The following MIS18A variants were observed in gnomAD, a reference collection of about 807,000 sequenced individuals.
MIS18A encodes MIS18 kinetochore protein A.
MIS18A carries 14 observed loss-of-function variants against 25.0 expected under a neutral mutation model. That is an observed-to-expected ratio of 0.56 (90% confidence interval 0.37 to 0.88). The LOEUF is 0.88. Among genes scored for constraint, MIS18A ranks in the 40% least tolerant of loss-of-function variants. The pLI is 0.00. For synonymous variants in MIS18A, 134 were observed against 118.6 expected (o/e 1.13, Z -0.84); for missense variants, 292 against 290.8 (o/e 1.00, Z -0.03).
the MIS18A span, among the ~76,000 whole-genome samples, chr21:32,244,571 T>C: frequency 2.0e-5 from 3 of 151,988 alleles, no homozygotes; most frequent in African/African-American, 7.2e-5. Flanking sequence ...ACCTCATCTT[T>C]ACAAAAAATC....
At chr21:32,162,510 C>T in the MIS18A span, among the ~76,000 whole-genome samples, 330 of 152,278 alleles carry the variant, frequency 2.2e-3, 1 homozygote, top group African/African-American at 7.3e-3. Context: ...CTGATCCATC[C>T]AAGTGGACTT....
chr21:32,224,037 T>C, the MIS18A span, among the ~76,000 whole-genome samples: 1 of 152,364 alleles, frequency 6.6e-6, no homozygotes, highest in Non-Finnish European at 1.5e-5. Flanking sequence ...CAGATGATTA[T>C]CTCAATAGAT....
At chr21:32,275,450 A>T (rs2031792086) in intron 1 of MIS18A, among the ~76,000 whole-genome samples, 1 of 152,152 alleles carries the variant, frequency 6.6e-6, no homozygotes, top group Non-Finnish European at 1.5e-5. Context: ...CAGATTTCAA[A>T]CACAGGGCCC....
the MIS18A span, among the ~76,000 whole-genome samples, chr21:32,249,821 G>A: frequency 2.6e-5 from 4 of 152,012 alleles, no homozygotes; most frequent in Non-Finnish European, 4.4e-5. Context: ...TGAGGGATCC[G>A]CCCCCATGGC....
At chr21:32,266,317 A>G (rs576178834), downstream of MIS18A, among the ~76,000 whole-genome samples, 1 of 152,280 alleles carries the variant, frequency 6.6e-6, no homozygotes, top group Admixed American at 6.5e-5. Context: ...CCCTGACAAA[A>G]CAGGCCACTC....
the MIS18A span, among the ~76,000 whole-genome samples, chr21:32,175,915 T>A: frequency 3.9e-5 from 6 of 152,202 alleles, no homozygotes; most frequent in African/African-American, 1.4e-4. Context: ...TTTTTTTATT[T>A]TTAAACTTTT....
chr21:32,166,024 A>G, the MIS18A span, among the ~76,000 whole-genome samples: 1 of 152,190 alleles, frequency 6.6e-6, no homozygotes, highest in Admixed American at 6.5e-5. Flanking sequence ...TCCAAGGTCT[A>G]CAAACCAGGT....
chr21:32,246,031 AGAGCAG>A, the MIS18A span, among the ~76,000 whole-genome samples: 1 of 152,180 alleles, frequency 6.6e-6, no homozygotes, highest in African/African-American at 2.4e-5. Flanking sequence ...GCACAGGCCC[AGAGCAG>A]GAGCAAGAGA....
At chr21:32,155,119 A>G in the MIS18A span, among the ~76,000 whole-genome samples, 1 of 152,180 alleles carries the variant, frequency 6.6e-6, no homozygotes, top group African/African-American at 2.4e-5. Flanking sequence ...GTGGTAAGGT[A>G]TTTTATCCTG....
At chr21:32,192,434 C>T in the MIS18A span, among the ~76,000 whole-genome samples, 1 of 152,124 alleles carries the variant, frequency 6.6e-6, no homozygotes, top group Non-Finnish European at 1.5e-5. Context: ...ATCTGTCCCC[C>T]ACTCCCCACA....
At chr21:32,258,584 A>G in the MIS18A span, among the ~76,000 whole-genome samples, 1 of 152,164 alleles carries the variant, frequency 6.6e-6, no homozygotes, top group African/African-American at 2.4e-5. Flanking sequence ...ACAGCCTGAG[A>G]GTGATACTAA....
the MIS18A span, among the ~76,000 whole-genome samples, chr21:32,184,854 G>C: frequency 6.6e-6 from 1 of 152,042 alleles, no homozygotes; most frequent in African/African-American, 2.4e-5. Flanking sequence ...ACCAGCCACA[G>C]GGTCCTGGTG....
At chr21:32,248,922 G>A in the MIS18A span, among the ~76,000 whole-genome samples, 2 of 152,194 alleles carry the variant, frequency 1.3e-5, no homozygotes, top group South Asian at 4.1e-4. Context: ...GGGCTTTGCA[G>A]GAAGCAAGTA....
chr21:32,261,637 T>G, the MIS18A span: 1 of 152,262 alleles, frequency 6.6e-6, no homozygotes, highest in African/African-American at 2.4e-5. Flanking sequence ...ATCCCTGCCC[T>G]CGTGGAGCTA....
At chr21:32,241,091 G>C in the MIS18A span, among the ~76,000 whole-genome samples, 1 of 152,278 alleles carries the variant, frequency 6.6e-6, no homozygotes, top group South Asian at 2.1e-4. Context: ...TTGGCTTTCA[G>C]CGTTTCTAGA....
chr21:32,271,963 G>A (rs1275534185), intron 2 of MIS18A, among the ~76,000 whole-genome samples: 1 of 152,144 alleles, frequency 6.6e-6, no homozygotes, highest in Non-Finnish European at 1.5e-5. Flanking sequence ...AATCCACTGA[G>A]CCATGAATAA....
At chr21:32,161,189 C>T in the MIS18A span, among the ~76,000 whole-genome samples, 4 of 152,316 alleles carry the variant, frequency 2.6e-5, no homozygotes, top group East Asian at 1.9e-4. Flanking sequence ...TGATTTCCTT[C>T]GTTTTTATCT....
At chr21:32,219,500 T>C in the MIS18A span, among the ~76,000 whole-genome samples, 80 of 152,310 alleles carry the variant, frequency 5.3e-4, no homozygotes, top group African/African-American at 1.9e-3. Flanking sequence ...AAGATTCCCT[T>C]GGGTGCCATA....
rs778495462 is a variant in MIS18A at position 32,278,790 on chromosome 21, A to AGCC, written c.222_224dup (p.Ala76dup). The stretch of plus-strand genomic sequence containing the variant: ...GGAACACCAGCGGCCTCTCCTCCGC[A>AGCC]GCCGCCGCCTCCTCCTCCAGCTGCG... On this transcript the variant is annotated inframe_insertion, in exon 1 of 5. Coordinates refer to ENST00000290130, the MANE Select transcript of MIS18A (RefSeq NM_018944.3). 17 of 1,584,122 alleles carry AGCC rather than the reference A, an allele frequency of 1.1e-5. No individual in the cohort carries two copies. The highest frequency in any genetic ancestry group is 1.8e-5 in the Admixed American group (1 of 55,684).
Sources: allele counts gnomAD v4.1 joint callset (sites outside exome capture counted in the v4.1 genomes callset), GRCh38; gene constraint gnomAD v4.1.1; transcripts MANE v1.5; gene names NCBI Gene and HGNC (gene_info 2026-07-23, HGNC 2026-07-21).